Variants in CRYBG1 observed in about 807,000 individuals in gnomAD.
CRYBG1 encodes the protein crystallin beta-gamma domain containing 1, also known as beta/gamma crystallin domain-containing protein 1.
CRYBG1 carries 139 observed loss-of-function variants against 189.2 expected under a neutral mutation model. That is an observed-to-expected ratio of 0.73 (90% confidence interval 0.64 to 0.85). The LOEUF is 0.85. Ranked by LOEUF, CRYBG1 falls within the 40% of genes least tolerant of loss-of-function variation. The pLI, the probability that CRYBG1 is intolerant of heterozygous loss-of-function variation, is 0.00. For synonymous variants in CRYBG1, 1,023 were observed against 1,017.1 expected, an observed-to-expected ratio of 1.01 and a Z score of -0.11; for missense variants, 2,611 against 2,675.8, an observed-to-expected ratio of 0.98 and a Z score of 0.53.
At chr6:106,459,836 T>C (rs1771966613) in intron 2 of CRYBG1, among the ~76,000 whole-genome samples, 1 of 152,230 alleles carries the variant, frequency 6.6e-6, no homozygotes, top group Non-Finnish European at 1.5e-5. Context: ...ATGTAATAGA[T>C]ACTATCAAAT....
intron 2 of CRYBG1, among the ~76,000 whole-genome samples, chr6:106,495,246 C>T (rs955923299): frequency 2.0e-5 from 3 of 152,016 alleles, no homozygotes; most frequent in African/African-American, 4.8e-5. Flanking sequence ...GCAGCACTGC[C>T]GAAGGTGAGC....
chr6:106,512,398 C>A lies in CRYBG1; in HGVS notation c.1281C>A (p.Ser427=). The change falls in exon 3 of 22, where the codon TCC becomes TCA. Residue 427 remains serine, a synonymous_variant. Transcript: ENST00000633556. ...RSGRRRGSQK[S]TDSPGADAEL... The stretch of plus-strand genomic sequence containing the variant: ...GGAGGCGGAGGGGGTCGCAGAAATC[C>A]ACCGACTCCCCCGGCGCGGACGCCG... 6.2e-7 allele frequency: 1 copy of A among 1,609,414 alleles called. No homozygotes were observed.
chr6:106,499,976 A>G (rs1772965822), intron 2 of CRYBG1, among the ~76,000 whole-genome samples: 1 of 152,202 alleles, frequency 6.6e-6, no homozygotes, highest in Admixed American at 6.5e-5. Context: ...AGGTTCATCT[A>G]TAGTGTTCCC....
At chr6:106,506,538 C>A (rs997941979) in intron 2 of CRYBG1, among the ~76,000 whole-genome samples, 1 of 149,900 alleles carries the variant, frequency 6.7e-6, no homozygotes, top group South Asian at 2.1e-4. Flanking sequence ...CTGCAACCTC[C>A]GCCTCCTGGA....
chr6:106,478,467 T>C (rs1001934457), intron 2 of CRYBG1, among the ~76,000 whole-genome samples: 8 of 152,202 alleles, frequency 5.3e-5, no homozygotes, highest in Non-Finnish European at 1.2e-4. Flanking sequence ...GTTGTTCCTC[T>C]TACACACCTG....
At chr6:106,418,880 T>C (rs1445380081) in intron 1 of CRYBG1, among the ~76,000 whole-genome samples, 1 of 152,308 alleles carries the variant, frequency 6.6e-6, no homozygotes, top group South Asian at 2.1e-4. Context: ...TCTGGTCCCA[T>C]GGTAAAGTGC....
rs756519095 is a variant in CRYBG1, at chr6:106,549,262, C to T, written c.5313-2590C>T. On this transcript the variant is annotated intron_variant, in intron 13 of 21. Transcript: ENST00000633556. ...GCCCTGTGGGCAGAGGCAGCACATGCGGGTACCCGTGTGCTGTACAGCATC... is the reference window on the plus strand; with the variant it reads ...GCCCTGTGGGCAGAGGCAGCACATGTGGGTACCCGTGTGCTGTACAGCATC... Among the ~76,000 whole-genome samples, 310 of 152,154 alleles carry T rather than the reference C, an allele frequency of 2.0e-3. 2 individuals carry two copies. The highest frequency in any genetic ancestry group is 3.7e-3 in the Non-Finnish European group (254 of 68,024).
At chr6:106,372,658 G>C (rs985258976) in intron 1 of CRYBG1, among the ~76,000 whole-genome samples, 3 of 152,190 alleles carry the variant, frequency 2.0e-5, no homozygotes, top group African/African-American at 7.2e-5. Context: ...GTGGCATGCG[G>C]GAATGAAGGG....
At position 106,536,136 on chromosome 6, in the gene CRYBG1, G is replaced by A. The variant is rs189702901; in HGVS notation, c.4719-3267G>A. On this transcript the variant is annotated intron_variant, in intron 8 of 21. Coordinates refer to ENST00000633556, the MANE Select transcript of CRYBG1 (RefSeq NM_001371242.2). ...TGTGCCACATTCTAGATTTGTCTGA[G>A]TGTTCCCTCATGCTACTATTTAGCA... is the stretch of plus-strand genomic sequence containing the variant. Among the ~76,000 whole-genome samples, 738 of 152,350 alleles carry A rather than the reference G, an allele frequency of 4.8e-3. 2 individuals carry two copies. Among genetic ancestry groups the A allele is most frequent in the Non-Finnish European group, 8.1e-3 (551 of 68,050 alleles).
chr6:106,499,359 C>T (rs1772947795), intron 2 of CRYBG1, among the ~76,000 whole-genome samples: 1 of 148,232 alleles, frequency 6.7e-6, no homozygotes, highest in Admixed American at 6.7e-5. Flanking sequence ...GAGGTTTCAC[C>T]ATGTTGGCCA....
intron 1 of CRYBG1, among the ~76,000 whole-genome samples, chr6:106,371,377 CT>C (rs1770028025): frequency 6.6e-6 from 1 of 152,208 alleles, no homozygotes; most frequent in Non-Finnish European, 1.5e-5. Context: ...AGAACTGGCC[CT>C]TTTCAAGCCT....
At chr6:106,412,202 C>G (rs945752033) in intron 1 of CRYBG1, among the ~76,000 whole-genome samples, 1 of 152,240 alleles carries the variant, frequency 6.6e-6, no homozygotes, top group African/African-American at 2.4e-5. Flanking sequence ...TTTCACCTTC[C>G]TCACTGTGGG....
intron 1 of CRYBG1, among the ~76,000 whole-genome samples, chr6:106,443,666 A>G (rs1771604772): frequency 6.6e-6 from 1 of 152,172 alleles, no homozygotes; most frequent in African/African-American, 2.4e-5. Context: ...TGCCCCTGGT[A>G]CTTTAGGACT....
At chr6:106,563,997 A>G in intron 21 of CRYBG1, 71 bp downstream of exon 21, 1 of 1,453,082 alleles carries the variant, frequency 6.9e-7, no homozygotes, top group South Asian at 1.2e-5. Context: ...ATCTATTCAT[A>G]ACTTTTGAAA....
At chr6:106,523,107 G>A (rs905772089) in intron 4 of CRYBG1, among the ~76,000 whole-genome samples, 1 of 152,032 alleles carries the variant, frequency 6.6e-6, no homozygotes, top group East Asian at 1.9e-4. Flanking sequence ...CTTGTACTCC[G>A]CTGGACATTT....
intron 8 of CRYBG1, among the ~76,000 whole-genome samples, chr6:106,534,699 C>T (rs1481068702): frequency 6.6e-6 from 1 of 152,166 alleles, no homozygotes; most frequent in African/African-American, 2.4e-5. Flanking sequence ...TCTAACTAAA[C>T]TTGCCTTTCA....
intron 1 of CRYBG1, among the ~76,000 whole-genome samples, chr6:106,371,112 G>A (rs116885039): frequency 0.011 from 1,739 of 152,300 alleles, 40 homozygotes; most frequent in Middle Eastern, 0.051. Flanking sequence ...GAGCCTATCA[G>A]TATGATATTG....
chr6:106,571,733 GAAGGTGCCACAAC>G lies in CRYBG1; in HGVS notation c.*3170_*3182del. 1 of 388,828 alleles carries G rather than the reference GAAGGTGCCACAAC, an allele frequency of 2.6e-6. No individual in the cohort carries two copies. Among genetic ancestry groups the G allele is most frequent in the Non-Finnish European group, 4.7e-6 (1 of 212,768 alleles). 24.1% of individuals were successfully genotyped at this position (388,828 alleles called of 1,614,324 possible). ...TAAAGTAGTTTAAGCTAGTAAAACA[GAAGGTGCCACAAC>G]AACCTGCAAAGCCAGTGTGAAGGAA... On this transcript the variant is annotated 3_prime_UTR_variant, in exon 22 of 22. Transcript: ENST00000633556.
chr6:106,454,170 C>T (rs1030676817), intron 2 of CRYBG1, among the ~76,000 whole-genome samples: 1 of 152,182 alleles, frequency 6.6e-6, no homozygotes, highest in South Asian at 2.1e-4. Flanking sequence ...TCTCTTTTCA[C>T]CCTTGCTCTC....
Sources: gnomAD v4.1 joint callset for allele counts (sites outside exome capture counted in the v4.1 genomes callset) on GRCh38, gnomAD v4.1.1 for gene constraint, MANE v1.5 for transcripts, NCBI Gene and HGNC (gene_info 2026-07-23, HGNC 2026-07-21) for gene names.